HECW2: variants seen among roughly 807,000 people sequenced by gnomAD.
HECW2 encodes the protein E3 ubiquitin-protein ligase HECW2.
Under a neutral mutation model 175.2 loss-of-function variants are expected in HECW2, and 61 were observed. That is an observed-to-expected ratio of 0.35 (90% confidence interval 0.28 to 0.43). The LOEUF is 0.43. HECW2 is among the 20% of genes least tolerant of loss of function. The probability of loss-of-function intolerance (pLI) is 1.00; values close to 1 mark genes in which losing one functional copy is unlikely to be tolerated. For synonymous variants in HECW2, 671 were observed against 731.0 expected (o/e 0.92, Z 1.32); for missense variants, 1,524 against 2,000.5 (o/e 0.76, Z 4.54).
At chr2:196,220,982 T>C (rs1687644399) in intron 24 of HECW2, 41 bp from the exon 25 acceptor site, 1 of 1,601,604 alleles carries the variant, frequency 6.2e-7, no homozygotes, top group Non-Finnish European at 8.5e-7. Context: ...AAAGCAATAC[T>C]CTTAATGTTA....
At chr2:196,460,012 T>C (rs1285456216) in intron 1 of HECW2, among the ~76,000 whole-genome samples, 1 of 152,208 alleles carries the variant, frequency 6.6e-6, no homozygotes, top group Non-Finnish European at 1.5e-5. Flanking sequence ...CCCTGTCTTA[T>C]TCTTCTCACC....
intron 2 of HECW2, among the ~76,000 whole-genome samples, chr2:196,431,378 C>T (rs1695708449): frequency 2.0e-5 from 3 of 152,126 alleles, no homozygotes; most frequent in African/African-American, 7.2e-5. Flanking sequence ...TGGGAATCAA[C>T]TTTTTAAGTG....
At chr2:196,357,862 T>G (rs1404680170) in intron 2 of HECW2, among the ~76,000 whole-genome samples, 2 of 152,208 alleles carry the variant, frequency 1.3e-5, no homozygotes, top group African/African-American at 2.4e-5. Flanking sequence ...GATCGTAAGT[T>G]TCCTGAGGCC....
At chr2:196,500,907 T>C (rs973225352) in intron 1 of HECW2, among the ~76,000 whole-genome samples, 1 of 152,188 alleles carries the variant, frequency 6.6e-6, no homozygotes, top group Non-Finnish European at 1.5e-5. Context: ...GCAGGCTTGA[T>C]TGGAGGGAAA....
At chr2:196,252,545 C>T (rs1018778607) in intron 19 of HECW2, among the ~76,000 whole-genome samples, 1 of 152,106 alleles carries the variant, frequency 6.6e-6, no homozygotes, top group Non-Finnish European at 1.5e-5. Flanking sequence ...TGGTACCTCC[C>T]CCCTGCTCTC....
chr2:196,390,330 T>C (rs1221253516), intron 2 of HECW2, among the ~76,000 whole-genome samples: 2 of 152,180 alleles, frequency 1.3e-5, no homozygotes, highest in African/African-American at 4.8e-5. Context: ...ACCTTCCAAG[T>C]TGTTGGAATG....
At chr2:196,553,835 C>T (rs1404057695) in intron 1 of HECW2, among the ~76,000 whole-genome samples, 1 of 148,638 alleles carries the variant, frequency 6.7e-6, no homozygotes, top group Non-Finnish European at 1.5e-5. Flanking sequence ...CAGTAATATC[C>T]AATCAGTAAT....
chr2:196,306,270 C>A (rs1215135941), intron 13 of HECW2, among the ~76,000 whole-genome samples: 1 of 152,164 alleles, frequency 6.6e-6, no homozygotes, highest in Non-Finnish European at 1.5e-5. Context: ...TGCTTATAGG[C>A]CACCCAGCTT....
chr2:196,343,023 ATATG>A (rs1162914239), intron 3 of HECW2, among the ~76,000 whole-genome samples: 1 of 151,172 alleles, frequency 6.6e-6, no homozygotes, highest in Non-Finnish European at 1.5e-5. Flanking sequence ...ATATACATGT[ATATG>A]TATGTACATG....
Position 196,197,123 on chromosome 2 carries a change from A to G in HECW2, c.*4154T>C, listed in dbSNP as rs966464230. 2.6e-5 allele frequency: 4 copies of G among 152,072 alleles called. No individual in the cohort carries two copies. Among genetic ancestry groups the G allele is most frequent in the Non-Finnish European group, 4.4e-5 (3 of 68,012 alleles). The allele number at this position is 152,072 out of a possible 1,614,324, so 9.4% of individuals were successfully genotyped here. ...GCAAAAGGCCCTGAAACTGAGACTC[A>G]GTTTGGAGATTAGACCACATTCTTC... On this transcript the variant is annotated 3_prime_UTR_variant, in exon 29 of 29. Transcript: ENST00000644978.
At chr2:196,583,106 C>T (rs1244505673) in intron 1 of HECW2, among the ~76,000 whole-genome samples, 3 of 152,154 alleles carry the variant, frequency 2.0e-5, no homozygotes, top group African/African-American at 4.8e-5. Context: ...GGTTTAGGGT[C>T]GTATTGCCAT....
intron 17 of HECW2, among the ~76,000 whole-genome samples, chr2:196,268,572 A>G (rs1021030856): frequency 6.6e-6 from 1 of 152,252 alleles, no homozygotes; most frequent in East Asian, 1.9e-4. Flanking sequence ...CTAATGACAA[A>G]TGCCCTGTCC....
chr2:196,532,119 C>T (rs745380881), intron 1 of HECW2, among the ~76,000 whole-genome samples: 9 of 152,314 alleles, frequency 5.9e-5, no homozygotes, highest in East Asian at 3.9e-4. Flanking sequence ...CCAGCAATCC[C>T]ATTACTGGGT....
chr2:196,333,218 GTC>G (rs971821346), intron 4 of HECW2, among the ~76,000 whole-genome samples: 1 of 151,926 alleles, frequency 6.6e-6, no homozygotes, highest in Non-Finnish European at 1.5e-5. Flanking sequence ...TTTGATTGAT[GTC>G]TCTCTTCTGC....
At chr2:196,309,518 C>T (rs1180449806) in intron 10 of HECW2, among the ~76,000 whole-genome samples, 1 of 152,192 alleles carries the variant, frequency 6.6e-6, no homozygotes, top group African/African-American at 2.4e-5. Flanking sequence ...TACATTAAAG[C>T]ATCTTCAGGA....
chr2:196,292,722 G>T lies in HECW2; in HGVS notation c.2843C>A (p.Thr948Lys). 6.2e-7 allele frequency: 1 copy of T among 1,613,570 alleles called. No homozygotes were observed. The highest frequency in any genetic ancestry group is 8.5e-7 in the Non-Finnish European group (1 of 1,179,566). Residue 948 changes from threonine to lysine, a missense_variant, in exon 14 of 29, where the codon ACG (threonine) becomes AAG (lysine). By Grantham distance (78) the Thr-to-Lys change is moderately conservative. Coordinates refer to ENST00000644978, the MANE Select transcript of HECW2 (RefSeq NM_001348768.2). The part of the protein sequence containing the change: ...PSAYRMFTNN[T>K]CLKHMITKVR... ...TTTGGTGATCATGTGCTTCAAACAC[G>T]TGTTGTTTGTAAACATGCGGTAGGC...
intron 3 of HECW2, among the ~76,000 whole-genome samples, chr2:196,337,986 T>C (rs939508176): frequency 2.0e-5 from 3 of 152,216 alleles, no homozygotes; most frequent in Non-Finnish European, 2.9e-5. Flanking sequence ...TATTTGAATA[T>C]TCTTTAAACA....
intron 1 of HECW2, among the ~76,000 whole-genome samples, chr2:196,447,099 A>G (rs1010082574): frequency 2.0e-5 from 3 of 152,252 alleles, no homozygotes; most frequent in Admixed American, 1.3e-4. Context: ...CTTCAGTGTC[A>G]TGATCCAGCT....
chr2:196,453,331 A>C (rs1022568489), intron 1 of HECW2, among the ~76,000 whole-genome samples: 5 of 152,362 alleles, frequency 3.3e-5, no homozygotes, highest in Non-Finnish European at 4.4e-5. Flanking sequence ...GAAAGAACGC[A>C]GCCAACTACA....
Sources: gnomAD v4.1 joint callset for allele counts (sites outside exome capture counted in the v4.1 genomes callset) on GRCh38, gnomAD v4.1.1 for gene constraint, MANE v1.5 for transcripts, NCBI Gene and HGNC (gene_info 2026-07-23, HGNC 2026-07-21) for gene names.